The following OTUD7B variants were observed in gnomAD, a reference collection of about 807,000 sequenced individuals.
The protein encoded by OTUD7B is OTU domain-containing protein 7B.
In OTUD7B, 34 loss-of-function variants were observed where a neutral mutation model predicts 82.2. The observed-to-expected ratio is 0.41, with a 90% CI of 0.31 to 0.55. The LOEUF (loss-of-function observed/expected upper bound fraction) is 0.55. Among genes scored for constraint, OTUD7B ranks in the 20% least tolerant of loss-of-function variants. The pLI is 0.20. For synonymous variants in OTUD7B, 398 were observed against 402.7 expected (o/e 0.99, Z 0.14); for missense variants, 944 against 1,062.1 (o/e 0.89, Z 1.55).
intron 1 of OTUD7B, among the ~76,000 whole-genome samples, chr1:150,002,902 T>A (rs1553785208): frequency 6.6e-6 from 1 of 152,188 alleles, no homozygotes; most frequent in Non-Finnish European, 1.5e-5. Context: ...ACCACTGACA[T>A]AATCTTTCTA....
chr1:149,943,772 C>T lies in OTUD7B; in HGVS notation c.*85G>A. ...CCACAAACATTACTGCATTTTCCCC[C>T]TCAACATGGGGACTGTGTTCTTGAT... On this transcript the variant is annotated 3_prime_UTR_variant, in exon 12 of 12. Coordinates refer to ENST00000581312, the MANE Select transcript of OTUD7B (RefSeq NM_020205.4). 9 of 1,364,268 alleles carry T rather than the reference C, an allele frequency of 6.6e-6. No individual in the cohort carries two copies. Among genetic ancestry groups the T allele is most frequent in the Non-Finnish European group, 8.2e-6 (8 of 976,532 alleles). 84.5% of individuals were successfully genotyped at this position (1,364,268 alleles called of 1,614,324 possible). A position where few individuals can be genotyped will look rare whatever the true frequency, so the allele number is the denominator to read the frequency against.
At position 150,007,381 on chromosome 1, in the gene OTUD7B, T is replaced by C. The variant is rs587596886; in HGVS notation, c.-67+3067A>G. 8.5e-5 allele frequency among the ~76,000 whole-genome samples: 13 copies of C among 152,372 alleles called. No individual in the cohort carries two copies. The East Asian group carries it at 2.5e-3, about 29-fold the overall frequency. On this transcript the variant is annotated intron_variant, in intron 1 of 11. Coordinates refer to ENST00000581312, the MANE Select transcript of OTUD7B (RefSeq NM_020205.4). Reference sequence around the variant, plus strand: ...CTCCCAAGTCCATTTCAAAATTTACTGACTCAGAAATCTCCCCAATTTATT... The same window carrying C: ...CTCCCAAGTCCATTTCAAAATTTACCGACTCAGAAATCTCCCCAATTTATT...
chr1:150,006,285 G>A (rs1047879239), intron 1 of OTUD7B, among the ~76,000 whole-genome samples: 5 of 152,122 alleles, frequency 3.3e-5, no homozygotes, highest in Admixed American at 1.3e-4. Flanking sequence ...GTGAAACCCC[G>A]TCTCTACTAA....
At chr1:150,016,618 A>G in the OTUD7B span, among the ~76,000 whole-genome samples, 1 of 151,894 alleles carries the variant, frequency 6.6e-6, no homozygotes, top group Non-Finnish European at 1.5e-5. Flanking sequence ...ACGCCTGGCT[A>G]ATTTTGTATT....
chr1:150,023,490 G>C, the OTUD7B span, among the ~76,000 whole-genome samples: 2 of 152,182 alleles, frequency 1.3e-5, no homozygotes, highest in Non-Finnish European at 2.9e-5. Context: ...TTACAACATG[G>C]ATGAACCTGA....
intron 11 of OTUD7B, among the ~76,000 whole-genome samples, chr1:149,945,481 T>C (rs1248283184): frequency 6.6e-6 from 1 of 152,174 alleles, no homozygotes; most frequent in Non-Finnish European, 1.5e-5. Flanking sequence ...TATTATACAT[T>C]TCTCTATGCC....
At chr1:150,002,374 T>C (rs1348314461) in intron 1 of OTUD7B, among the ~76,000 whole-genome samples, 1 of 152,186 alleles carries the variant, frequency 6.6e-6, no homozygotes, top group Non-Finnish European at 1.5e-5. Context: ...GACATTCTTC[T>C]ACATCTGAAT....
At chr1:149,975,584 G>A (rs985204619) in intron 2 of OTUD7B, among the ~76,000 whole-genome samples, 8 of 152,176 alleles carry the variant, frequency 5.3e-5, no homozygotes, top group African/African-American at 1.9e-4. Context: ...TATGAAAGAG[G>A]AAACATTTGA....
chr1:149,992,465 G>GAGTT (rs1651638498), intron 1 of OTUD7B, among the ~76,000 whole-genome samples: 1 of 45,946 alleles, frequency 2.2e-5, no homozygotes, highest in African/African-American at 6.0e-5. Flanking sequence ...TTGTGTGCAT[G>GAGTT]TGTTTTTTTT....
chr1:149,998,209 T>C (rs1045725624), intron 1 of OTUD7B, among the ~76,000 whole-genome samples: 3 of 152,320 alleles, frequency 2.0e-5, no homozygotes, highest in Admixed American at 6.5e-5. Context: ...ATTACCCTTG[T>C]AGACAGTCTT....
intron 1 of OTUD7B, among the ~76,000 whole-genome samples, chr1:149,993,272 GT>G (rs1294359477): frequency 6.6e-6 from 1 of 152,216 alleles, no homozygotes; most frequent in Non-Finnish European, 1.5e-5. Flanking sequence ...CATCAGTACA[GT>G]AGTGCCCAGG....
intron 2 of OTUD7B, among the ~76,000 whole-genome samples, chr1:149,972,768 T>G (rs1220297741): frequency 6.6e-6 from 1 of 152,204 alleles, no homozygotes; most frequent in Non-Finnish European, 1.5e-5. Flanking sequence ...ACTCTTCTCC[T>G]GAATCAATGC....
In OTUD7B at chr1:149,944,498, A is replaced by G. The variant is rs41265176; in HGVS notation, c.1891T>C (p.Tyr631His). 52 of 1,614,118 alleles carry G rather than the reference A, an allele frequency of 3.2e-5. No individual in the cohort carries two copies. Among genetic ancestry groups the G allele is most frequent in the Non-Finnish European group, 4.1e-5 (48 of 1,180,018 alleles). ...HQYQEEMIQR[Y>H]LSDAEERFLA... ...AATCTCTCCTCAGCATCAGAAAGGT[A>G]GCGCTGGATCATTTCCTCCTGATAC... Residue 631 changes from tyrosine (Y) to histidine (H), a missense_variant, in exon 12 of 12, where the codon TAC becomes CAC. Physicochemically the swap from Tyr to His is moderately conservative, Grantham distance 83. This residue lies in a region of OTUD7B where 412 missense variants were observed against 418.7 expected (regional missense o/e 0.98). Transcript: ENST00000581312.
the OTUD7B span, among the ~76,000 whole-genome samples, chr1:150,024,893 CA>C: frequency 6.6e-6 from 1 of 151,982 alleles, no homozygotes; most frequent in African/African-American, 2.4e-5. Context: ...ACTAAAAATA[CA>C]AAAATTAGCC....
chr1:150,042,128 TCCC>T, the OTUD7B span, among the ~76,000 whole-genome samples: 15 of 30,616 alleles, frequency 4.9e-4, 1 homozygote, highest in South Asian at 0.019. Context: ...CCTCCCTCCC[TCCC>T]TCCCTCCCTC....
chr1:149,983,814 G>A (rs1006229593), intron 1 of OTUD7B, among the ~76,000 whole-genome samples: 3 of 152,174 alleles, frequency 2.0e-5, no homozygotes, highest in African/African-American at 7.2e-5. Context: ...TTTGGAAGAA[G>A]CACAGTGGAT....
At chr1:150,058,517 T>A in the OTUD7B span, among the ~76,000 whole-genome samples, 1 of 152,102 alleles carries the variant, frequency 6.6e-6, no homozygotes, top group Non-Finnish European at 1.5e-5. Flanking sequence ...TTTTTGAGAC[T>A]GGGTGACCCT....
intron 7 of OTUD7B, among the ~76,000 whole-genome samples, chr1:149,959,073 T>G (rs1166182164): frequency 2.6e-5 from 4 of 151,804 alleles, no homozygotes; most frequent in African/African-American, 9.7e-5. Context: ...AATACAAAAA[T>G]TAGCTGGGCG....
At chr1:150,007,570 G>A (rs1652749101) in intron 1 of OTUD7B, among the ~76,000 whole-genome samples, 1 of 152,092 alleles carries the variant, frequency 6.6e-6, no homozygotes, top group Non-Finnish European at 1.5e-5. Context: ...TCAACCCCAA[G>A]AGCAAAGACA....
Sources: allele counts gnomAD v4.1 joint callset (sites outside exome capture counted in the v4.1 genomes callset), GRCh38; gene constraint gnomAD v4.1.1; regional missense constraint gnomAD v4.1.1; transcripts MANE v1.5; gene names NCBI Gene and HGNC (gene_info 2026-07-23, HGNC 2026-07-21).